RBPJ: variants seen among roughly 807,000 people sequenced by gnomAD.
The protein encoded by RBPJ is recombination signal binding protein for immunoglobulin kappa J region.
Under a neutral mutation model 67.8 loss-of-function variants are expected in RBPJ, and 9 were observed. The ratio of observed to expected loss-of-function variants is 0.13; its 90% CI spans 0.08 to 0.23. The LOEUF is 0.23. Among genes scored for constraint, RBPJ ranks in the 10% least tolerant of loss-of-function variants. The probability of loss-of-function intolerance (pLI) is 1.00; values close to 1 mark genes in which losing one functional copy is unlikely to be tolerated. For synonymous variants in RBPJ, 198 were observed against 203.3 expected, an observed-to-expected ratio of 0.97 and a Z score of 0.22; for missense variants, 305 against 595.6, an observed-to-expected ratio of 0.51 and a Z score of 5.08.
At chr4:26,319,965 T>G (rs868790987), upstream of RBPJ, 77 of 1,321,754 alleles carry the variant, frequency 5.8e-5, no homozygotes, top group South Asian at 9.7e-4. Flanking sequence ...CCCGGGGGCT[T>G]CCGGGATCAG....
the RBPJ span, among the ~76,000 whole-genome samples, chr4:26,139,195 C>T: frequency 6.6e-6 from 1 of 152,238 alleles, no homozygotes; most frequent in Non-Finnish European, 1.5e-5. Flanking sequence ...CCTCTAAGAA[C>T]CTCTTGGAGA....
intron 1 of RBPJ, among the ~76,000 whole-genome samples, chr4:26,265,103 T>G (rs918179003): frequency 6.6e-6 from 1 of 152,204 alleles, no homozygotes; most frequent in Non-Finnish European, 1.5e-5. Context: ...AGACAATAGT[T>G]TGTCAATAAT....
At chr4:26,311,517 T>TGA (rs1366333799) in intron 1 of RBPJ, among the ~76,000 whole-genome samples, 1 of 149,442 alleles carries the variant, frequency 6.7e-6, no homozygotes, top group Admixed American at 6.7e-5. Context: ...CCAGCCTGGG[T>TGA]GAGAGAGAGA....
the RBPJ span, among the ~76,000 whole-genome samples, chr4:26,139,116 C>A: frequency 6.6e-6 from 1 of 150,674 alleles, no homozygotes; most frequent in African/African-American, 2.5e-5. Context: ...ACAGCCCTGC[C>A]CAAGGCATAA....
In RBPJ at chr4:26,424,902, G is replaced by GCT; in HGVS notation, c.747+162_747+163dup. 1 of 518,430 alleles carries GCT rather than the reference G, an allele frequency of 1.9e-6. No individual in the cohort carries two copies. Among genetic ancestry groups the GCT allele is most frequent in the Non-Finnish European group, 3.4e-6 (1 of 293,930 alleles). The allele number at this position is 518,430 out of a possible 1,614,324, so 32.1% of individuals were successfully genotyped here. A position where few individuals can be genotyped will look rare whatever the true frequency, so the allele number is the denominator to read the frequency against. Reference sequence around the variant, plus strand: ...AGTGCTGTTTATAATTGACAGTTATGCTCTACCTTATTTCAGAAATGCTTT... The same window carrying GCT: ...AGTGCTGTTTATAATTGACAGTTATGCTCTCTACCTTATTTCAGAAATGCTTT... On this transcript the variant is annotated intron_variant, in intron 7 of 10. Transcript: ENST00000355476. The surrounding 1 kb of genome is among the most constrained non-coding windows in gnomAD (Gnocchi z 5.3).
chr4:26,113,313 A>C, the RBPJ span: 1 of 476,596 alleles, frequency 2.1e-6, no homozygotes, highest in Non-Finnish European at 4.1e-6. Context: ...AGTGAGGATA[A>C]ATAAACCTAC....
At chr4:26,255,787 G>A (rs546598821) in intron 1 of RBPJ, among the ~76,000 whole-genome samples, 58 of 142,042 alleles carry the variant, frequency 4.1e-4, no homozygotes, top group South Asian at 6.6e-4. Context: ...GGGCAACAGA[G>A]CAAGACTCCG....
intron 1 of RBPJ, among the ~76,000 whole-genome samples, chr4:26,351,067 GTTATATA>G (rs974299964): frequency 1.9e-4 from 29 of 151,654 alleles, no homozygotes; most frequent in Non-Finnish European, 1.9e-4. Flanking sequence ...TATTATATAC[GTTATATA>G]TTATATATTA....
At chr4:26,192,502 A>G (rs1717602921) in intron 1 of RBPJ, among the ~76,000 whole-genome samples, 1 of 152,362 alleles carries the variant, frequency 6.6e-6, no homozygotes, top group African/African-American at 2.4e-5. Context: ...ATACCCACTC[A>G]TTAGATTAAA....
the RBPJ span, among the ~76,000 whole-genome samples, chr4:26,130,425 G>A: frequency 1.3e-5 from 2 of 152,074 alleles, no homozygotes; most frequent in African/African-American, 4.8e-5. Context: ...GTCTGCTTGG[G>A]TTTGTCAGCT....
intron 1 of RBPJ, among the ~76,000 whole-genome samples, chr4:26,339,984 G>A (rs1397827791): frequency 1.3e-5 from 2 of 149,690 alleles, no homozygotes; most frequent in Non-Finnish European, 3.0e-5. Context: ...ACGCCATTGC[G>A]CTCCAGCCTG....
chr4:26,404,832 C>G (rs1361872396), intron 2 of RBPJ, among the ~76,000 whole-genome samples: 1 of 152,216 alleles, frequency 6.6e-6, no homozygotes, highest in Non-Finnish European at 1.5e-5. Flanking sequence ...CCTCCTCCCA[C>G]TTCCTGTGTC....
At chr4:26,184,399 A>C (rs568949054) in intron 1 of RBPJ, among the ~76,000 whole-genome samples, 94 of 152,092 alleles carry the variant, frequency 6.2e-4, no homozygotes, top group African/African-American at 2.2e-3. Flanking sequence ...AGTGGATGAA[A>C]AATTACTAAA....
intron 1 of RBPJ, among the ~76,000 whole-genome samples, chr4:26,208,032 A>C (rs1718231274): frequency 6.6e-6 from 1 of 152,262 alleles, no homozygotes. Flanking sequence ...TCAGTCCTGC[A>C]GATGAGGAAA....
chr4:26,164,477 A>C (rs906853881), intron 1 of RBPJ, among the ~76,000 whole-genome samples: 6 of 152,192 alleles, frequency 3.9e-5, no homozygotes, highest in East Asian at 1.9e-4. Context: ...GAAGGGTCAC[A>C]AGTCCCCATG....
chr4:26,353,441 A>G (rs1727013682), intron 1 of RBPJ, among the ~76,000 whole-genome samples: 3 of 152,218 alleles, frequency 2.0e-5, no homozygotes, highest in Admixed American at 6.5e-5. Context: ...AAGTTACTTC[A>G]CAACTTTAAC....
chr4:26,358,922 C>G (rs1248139114), intron 1 of RBPJ, among the ~76,000 whole-genome samples: 1 of 152,162 alleles, frequency 6.6e-6, no homozygotes, highest in Non-Finnish European at 1.5e-5. Context: ...TCTTTTCCCC[C>G]TTCCACTGTT....
chr4:26,244,374 TAC>T lies in RBPJ; in HGVS notation c.-167+80763_-167+80764del, dbSNP rs1560226394. The stretch of plus-strand genomic sequence containing the variant: ...GTATATATATGTATGCACATATGTG[TAC>T]ACGTGTGTGTATATATGTATGCACA... On this transcript the variant is annotated intron_variant, in intron 1 of 4. Transcript: ENST00000512351. Among the ~76,000 whole-genome samples, 31 of 84,740 alleles carry T rather than the reference TAC, an allele frequency of 3.7e-4. 11 individuals carry two copies. The highest frequency in any genetic ancestry group is 1.5e-3 in the South Asian group (4 of 2,654). The allele number at this position is 84,740 out of a possible 152,430, so 55.6% of individuals were successfully genotyped here. A position where few individuals can be genotyped will look rare whatever the true frequency, so the allele number is the denominator to read the frequency against.
intron 4 of RBPJ, among the ~76,000 whole-genome samples, chr4:26,416,190 A>G (rs1409773958): frequency 6.6e-6 from 1 of 152,168 alleles, no homozygotes; most frequent in Non-Finnish European, 1.5e-5. Flanking sequence ...TTAATTTTCT[A>G]GAGAAAACAA....
Sources: allele counts gnomAD v4.1 joint callset (sites outside exome capture counted in the v4.1 genomes callset), GRCh38; gene constraint gnomAD v4.1.1; non-coding constraint Gnocchi (gnomAD v3.1); transcripts MANE v1.5; gene names NCBI Gene and HGNC (gene_info 2026-07-23, HGNC 2026-07-21).